Variants in CSMD3 observed in about 807,000 individuals in gnomAD.
The protein encoded by CSMD3 is CUB and sushi domain-containing protein 3.
In CSMD3, 177 loss-of-function variants were observed where a neutral mutation model predicts 435.2. The ratio of observed to expected loss-of-function variants is 0.41; its 90% confidence interval spans 0.36 to 0.46. The LOEUF (loss-of-function observed/expected upper bound fraction) is 0.46, where lower values mean the gene tolerates loss of function less well. Among genes scored for constraint, CSMD3 ranks in the 20% least tolerant of loss-of-function variants. The pLI, the probability that CSMD3 is intolerant of heterozygous loss-of-function variation, is 0.34. For missense variants in CSMD3, 4,265 were observed against 4,504.6 expected (o/e 0.95, Z 1.52); for synonymous variants, 1,656 against 1,520.5 (o/e 1.09, Z -2.07).
chr8:112,561,303 C>T (rs192789773), intron 24 of CSMD3, among the ~76,000 whole-genome samples: 44 of 151,672 alleles, frequency 2.9e-4, no homozygotes, highest in African/African-American at 8.7e-4. Context: ...AAATTTTATA[C>T]GCTGGTGAAA....
rs528686010 is a variant in CSMD3 at position 112,948,773 on chromosome 8, A to T, written c.1421-896T>A. ...GAGAGAAAAAAAATCTAAACCATCC[A>T]ATGCTTGTTGTCCTCCACTGTGAAC... On this transcript the variant is annotated intron_variant, in intron 8 of 70. Transcript: ENST00000297405. Among the ~76,000 whole-genome samples, 3 of 152,074 alleles carry T rather than the reference A, an allele frequency of 2.0e-5. No homozygotes were observed. In the South Asian group the frequency reaches 6.2e-4, roughly 32 times the overall value.
intron 13 of CSMD3, among the ~76,000 whole-genome samples, chr8:112,790,365 A>T (rs1207508875): frequency 6.6e-6 from 1 of 152,012 alleles, no homozygotes; most frequent in Non-Finnish European, 1.5e-5. Flanking sequence ...AATGGAACAA[A>T]AGTGAAAAAA....
intron 3 of CSMD3, among the ~76,000 whole-genome samples, chr8:113,201,308 C>T (rs2092713960): frequency 6.6e-6 from 1 of 151,572 alleles, no homozygotes; most frequent in South Asian, 2.1e-4. Flanking sequence ...AATATATGTC[C>T]TCATATATTA....
chr8:112,505,214 A>G (rs754881313), intron 29 of CSMD3, among the ~76,000 whole-genome samples: 2 of 152,112 alleles, frequency 1.3e-5, no homozygotes, highest in Non-Finnish European at 2.9e-5. Flanking sequence ...GGAGACCATC[A>G]CACTATTATA....
intron 5 of CSMD3, among the ~76,000 whole-genome samples, chr8:113,056,746 C>A (rs1333768343): frequency 6.6e-6 from 1 of 152,132 alleles, no homozygotes; most frequent in Admixed American, 6.6e-5. Flanking sequence ...CTCACCTAGA[C>A]CTGGAAATAG....
intron 23 of CSMD3, 64 bp downstream of exon 23, chr8:112,587,002 A>G: frequency 9.1e-7 from 1 of 1,099,304 alleles, no homozygotes; most frequent in Non-Finnish European, 1.4e-6. Flanking sequence ...GTATATATTT[A>G]TCTATTGATG....
chr8:113,428,217 T>G (rs1449536433), intron 1 of CSMD3, among the ~76,000 whole-genome samples: 1 of 99,248 alleles, frequency 1.0e-5, no homozygotes, highest in Non-Finnish European at 2.5e-5. Flanking sequence ...TCTATCTATC[T>G]ATCTATCTAT....
intron 9 of CSMD3, among the ~76,000 whole-genome samples, chr8:112,929,351 C>T (rs1369791294): frequency 6.9e-6 from 1 of 145,760 alleles, no homozygotes; most frequent in Non-Finnish European, 1.5e-5. Context: ...ACAATGTGCA[C>T]ATGTACCCTA....
intron 1 of CSMD3, among the ~76,000 whole-genome samples, chr8:113,380,552 A>G (rs2133102439): frequency 6.6e-6 from 1 of 152,324 alleles, no homozygotes; most frequent in Admixed American, 6.5e-5. Flanking sequence ...TTGCAGATAA[A>G]TAAATAACTA....
intron 53 of CSMD3, among the ~76,000 whole-genome samples, chr8:112,299,260 CTA>C (rs1216462584): frequency 2.0e-5 from 3 of 151,966 alleles, no homozygotes; most frequent in East Asian, 3.9e-4. Flanking sequence ...TGGCAATATT[CTA>C]TGTCTTTATA....
intron 3 of CSMD3, 149 bp from the exon 4 acceptor site, chr8:113,174,065 G>A (rs1200548438): frequency 1.5e-6 from 1 of 662,452 alleles, no homozygotes; most frequent in African/African-American, 1.8e-5. Context: ...TCCAATACAT[G>A]TGACAGTGAA....
intron 4 of CSMD3, among the ~76,000 whole-genome samples, chr8:113,116,139 T>A (rs1198429893): frequency 6.6e-6 from 1 of 152,100 alleles, no homozygotes; most frequent in Non-Finnish European, 1.5e-5. Flanking sequence ...TAAAAAAACA[T>A]AATTTATTTC....
At chr8:113,034,922 A>T (rs1264872474) in intron 5 of CSMD3, among the ~76,000 whole-genome samples, 1 of 152,118 alleles carries the variant, frequency 6.6e-6, no homozygotes, top group Non-Finnish European at 1.5e-5. Context: ...CATGAAGCAG[A>T]AACTGATACT....
chr8:113,159,306 TA>T (rs2091993574), intron 4 of CSMD3, among the ~76,000 whole-genome samples: 1 of 152,018 alleles, frequency 6.6e-6, no homozygotes, highest in African/African-American at 2.4e-5. Context: ...TATAGACATA[TA>T]AATATGTGTT....
At chr8:112,440,372 C>G (rs927493636) in intron 32 of CSMD3, among the ~76,000 whole-genome samples, 1 of 152,098 alleles carries the variant, frequency 6.6e-6, no homozygotes, top group African/African-American at 2.4e-5. Context: ...TGTAGATCTG[C>G]AGGGTATAGC....
intron 15 of CSMD3, 124 bp downstream of exon 15, chr8:112,685,282 T>A (rs778264896): frequency 3.8e-5 from 27 of 719,978 alleles, no homozygotes; most frequent in Non-Finnish European, 6.3e-5. Flanking sequence ...CTTGGCACAA[T>A]GAGATTTACA....
intron 5 of CSMD3, among the ~76,000 whole-genome samples, chr8:113,076,679 C>T (rs2089350659): frequency 6.6e-6 from 1 of 151,870 alleles, no homozygotes; most frequent in African/African-American, 2.4e-5. Context: ...AAAAGTAAAG[C>T]AAATTTTAGC....
At chr8:112,899,605 A>T (rs1279642664) in intron 10 of CSMD3, among the ~76,000 whole-genome samples, 5 of 21,166 alleles carry the variant, frequency 2.4e-4, no homozygotes, top group African/African-American at 1.3e-3. Context: ...TATTTTATAT[A>T]TATATATATA....
chr8:112,421,586 T>C (rs886897524), intron 32 of CSMD3, among the ~76,000 whole-genome samples: 10 of 146,814 alleles, frequency 6.8e-5, no homozygotes, highest in African/African-American at 2.2e-4. Flanking sequence ...ATATTTATAA[T>C]ATATATTACA....
Sources: allele counts gnomAD v4.1 joint callset (sites outside exome capture counted in the v4.1 genomes callset), GRCh38; gene constraint gnomAD v4.1.1; transcripts MANE v1.5; gene names NCBI Gene and HGNC (gene_info 2026-07-23, HGNC 2026-07-21).